HSD11B1: variants seen among roughly 807,000 people sequenced by gnomAD.
The protein encoded by HSD11B1 is hydroxysteroid 11-beta dehydrogenase 1, also known as 11-beta-hydroxysteroid dehydrogenase 1.
A neutral mutation model predicts 22.1 loss-of-function variants in HSD11B1; 15 were observed. The observed-to-expected ratio is 0.68, with a 90% CI of 0.45 to 1.04. The LOEUF (loss-of-function observed/expected upper bound fraction) is 1.04, where lower values mean the gene tolerates loss of function less well. HSD11B1 is among the 50% of genes least tolerant of loss of function. The pLI is 0.00. For missense variants in HSD11B1, 281 were observed against 357.6 expected (o/e 0.79, Z 1.73); for synonymous variants, 122 against 125.2 (o/e 0.97, Z 0.17).
rs78749274 is a variant in HSD11B1 at position 209,723,301 on chromosome 1, C to T, written c.518-9135C>T. 2.6e-4 allele frequency among the ~76,000 whole-genome samples: 40 copies of T among 152,262 alleles called. No individual in the cohort carries two copies. In the East Asian group the frequency reaches 5.4e-3, roughly 21 times the overall value. On this transcript the variant is annotated intron_variant, in intron 4 of 5. Transcript: ENST00000367027. Reference sequence around the variant, plus strand: ...CAGGCTTCCGACCCCCTCAATTCCACGACTGCTTCATGCATATTAGAACAG... The same window carrying T: ...CAGGCTTCCGACCCCCTCAATTCCATGACTGCTTCATGCATATTAGAACAG...
intron 4 of HSD11B1, among the ~76,000 whole-genome samples, chr1:209,712,929 G>T (rs2076907437): frequency 6.6e-6 from 1 of 152,084 alleles, no homozygotes; most frequent in African/African-American, 2.4e-5. Context: ...GGTGCCTGTA[G>T]TCCCAGCTAC....
At chr1:209,712,415 T>G (rs189321200) in intron 4 of HSD11B1, among the ~76,000 whole-genome samples, 162 of 152,310 alleles carry the variant, frequency 1.1e-3, no homozygotes, top group African/African-American at 3.7e-3. Flanking sequence ...TGCTGGGTAC[T>G]ATGTTGAATT....
In HSD11B1 at chr1:209,721,469, CAAAAA is replaced by C. The variant is rs3059693; in HGVS notation, c.518-10953_518-10949del. Among the ~76,000 whole-genome samples, 38 of 101,824 alleles carry C rather than the reference CAAAAA, an allele frequency of 3.7e-4. No individual in the cohort carries two copies. In the South Asian group the frequency reaches 7.2e-3, roughly 19 times the overall value. The allele number at this position is 101,824 out of a possible 152,430, so 66.8% of individuals were successfully genotyped here. On this transcript the variant is annotated intron_variant, in intron 4 of 5. Coordinates refer to ENST00000367027, the MANE Select transcript of HSD11B1 (RefSeq NM_005525.4). ...TTTAAGTTTGAAATTATTTCAAAAG[CAAAAA>C]AAAAAAAAAAAAATCCCCATCCTGG...
chr1:209,732,165 C>CT (rs1267716959), intron 4 of HSD11B1, among the ~76,000 whole-genome samples: 1 of 152,208 alleles, frequency 6.6e-6, no homozygotes, highest in Non-Finnish European at 1.5e-5. Context: ...TTACATGGCT[C>CT]TTTTGTAGCC....
chr1:209,722,312 A>G (rs1477911910), intron 4 of HSD11B1, among the ~76,000 whole-genome samples: 1 of 152,144 alleles, frequency 6.6e-6, no homozygotes, highest in Admixed American at 6.5e-5. Flanking sequence ...TTCAACACCA[A>G]ACGCTCTTTC....
At chr1:209,724,169 G>A (rs1289026127) in intron 4 of HSD11B1, 2 of 152,254 alleles carry the variant, frequency 1.3e-5, no homozygotes, top group Non-Finnish European at 2.9e-5. Flanking sequence ...TTCCATAGGT[G>A]TGACACAATT....
At chr1:209,732,688 T>A in intron 5 of HSD11B1, 109 bp downstream of exon 5, 1 of 911,314 alleles carries the variant, frequency 1.1e-6, no homozygotes, top group Non-Finnish European at 1.8e-6. Context: ...CATGTTGGTG[T>A]GCTGCACCCA....
chr1:209,731,181 T>C (rs2077033721), intron 4 of HSD11B1, among the ~76,000 whole-genome samples: 1 of 152,244 alleles, frequency 6.6e-6, no homozygotes, highest in Non-Finnish European at 1.5e-5. Flanking sequence ...AAATCTCTAG[T>C]TGTTCTCTGA....
At chr1:209,687,868 G>T (rs1034974410) in intron 1 of HSD11B1, among the ~76,000 whole-genome samples, 10 of 152,222 alleles carry the variant, frequency 6.6e-5, no homozygotes, top group Admixed American at 6.5e-4. Context: ...ATAACTGTTA[G>T]GAGACTAGGG....
intron 4 of HSD11B1, among the ~76,000 whole-genome samples, chr1:209,728,508 C>G (rs933826322): frequency 6.6e-6 from 1 of 152,182 alleles, no homozygotes; most frequent in African/African-American, 2.4e-5. Context: ...GGTCATCTGA[C>G]TCTAGAGCTC....
chr1:209,698,217 A>T (rs182445152), intron 1 of HSD11B1, among the ~76,000 whole-genome samples: 2 of 150,190 alleles, frequency 1.3e-5, no homozygotes, highest in Admixed American at 6.7e-5. Flanking sequence ...ATAGATAGAT[A>T]GGAAGGACAG....
At chr1:209,707,246 G>T (rs565955784) in intron 4 of HSD11B1, 118 bp downstream of exon 4, 2 of 876,936 alleles carry the variant, frequency 2.3e-6, no homozygotes, top group African/African-American at 1.7e-5. Flanking sequence ...AGTAATGAGG[G>T]ATTGGTCAAG....
intron 4 of HSD11B1, 100 bp downstream of exon 4, chr1:209,707,228 T>C (rs111534880): frequency 1.0e-6 from 1 of 1,004,712 alleles, no homozygotes; most frequent in South Asian, 1.3e-5. Flanking sequence ...TCAGTTTCCA[T>C]GCAGAGAAGT....
intron 1 of HSD11B1, among the ~76,000 whole-genome samples, chr1:209,699,092 A>G (rs2076810738): frequency 1.3e-5 from 2 of 152,174 alleles, no homozygotes; most frequent in South Asian, 4.1e-4. Flanking sequence ...AGACACACAC[A>G]TGAGGGAGGA....
At chr1:209,708,083 GT>G (rs2102373709) in intron 4 of HSD11B1, among the ~76,000 whole-genome samples, 1 of 152,300 alleles carries the variant, frequency 6.6e-6, no homozygotes. Flanking sequence ...ATCAAGAGAG[GT>G]CCCTGGTGTT....
At chr1:209,708,589 T>G (rs1409985841) in intron 4 of HSD11B1, among the ~76,000 whole-genome samples, 1 of 152,194 alleles carries the variant, frequency 6.6e-6, no homozygotes, top group Non-Finnish European at 1.5e-5. Flanking sequence ...GGGAGGGTGC[T>G]GGGCACATCC....
intron 4 of HSD11B1, among the ~76,000 whole-genome samples, chr1:209,720,497 T>G (rs1210519635): frequency 6.6e-6 from 1 of 151,306 alleles, no homozygotes; most frequent in Non-Finnish European, 1.5e-5. Context: ...CATATCCACA[T>G]GACATTCTCT....
At chr1:209,703,460 A>C (rs2076836665), upstream of HSD11B1, among the ~76,000 whole-genome samples, 1 of 152,186 alleles carries the variant, frequency 6.6e-6, no homozygotes, top group African/African-American at 2.4e-5. Context: ...CTTGAATTTT[A>C]TCTTTTTTCT....
upstream of HSD11B1, among the ~76,000 whole-genome samples, chr1:209,700,972 C>T (rs575531563): frequency 1.3e-5 from 2 of 152,358 alleles, no homozygotes; most frequent in African/African-American, 4.8e-5. Flanking sequence ...GTTCATATCA[C>T]TATCAGCATT....
Sources: gnomAD v4.1 joint callset for allele counts (sites outside exome capture counted in the v4.1 genomes callset) on GRCh38, gnomAD v4.1.1 for gene constraint, MANE v1.5 for transcripts, NCBI Gene and HGNC (gene_info 2026-07-23, HGNC 2026-07-21) for gene names.